DDX59: variants seen among roughly 807,000 people sequenced by gnomAD.
The protein encoded by DDX59 is DEAD-box helicase 59.
A neutral mutation model predicts 51.9 loss-of-function variants in DDX59; 30 were observed. The observed-to-expected ratio is 0.58, with a 90% CI of 0.43 to 0.78. DDX59 has a LOEUF of 0.78. Among genes scored for constraint, DDX59 ranks in the 30% least tolerant of loss-of-function variants. DDX59 has a pLI of 0.00. For missense variants in DDX59, 672 were observed against 730.8 expected, an observed-to-expected ratio of 0.92 and a Z score of 0.93; for synonymous variants, 255 against 253.3, an observed-to-expected ratio of 1.01 and a Z score of -0.06.
Position 200,644,084 on chromosome 1 carries a change from G to A in DDX59, c.*170C>T. On this transcript the variant is annotated 3_prime_UTR_variant, in exon 8 of 8. Coordinates refer to ENST00000331314, the MANE Select transcript of DDX59 (RefSeq NM_001031725.6). Reference sequence around the variant, plus strand: ...TTTATTTAATAATTCATTTTCTGATGTTTTTAATTTATAAGAATTAAGGGA... The same window carrying A: ...TTTATTTAATAATTCATTTTCTGATATTTTTAATTTATAAGAATTAAGGGA... 1 of 581,436 alleles carries A rather than the reference G, an allele frequency of 1.7e-6. No individual in the cohort carries two copies. Among genetic ancestry groups the A allele is most frequent in the South Asian group, 8.2e-5 (1 of 12,202 alleles). 36.0% of individuals were successfully genotyped at this position (581,436 alleles called of 1,614,324 possible). A position where few individuals can be genotyped will look rare whatever the true frequency, so the allele number is the denominator to read the frequency against.
intron 3 of DDX59, among the ~76,000 whole-genome samples, chr1:200,663,400 C>T (rs756079765): frequency 1.3e-5 from 2 of 152,194 alleles, no homozygotes; most frequent in Non-Finnish European, 2.9e-5. Context: ...AGTGAAGTAA[C>T]TTATCTATGG....
intron 4 of DDX59, among the ~76,000 whole-genome samples, chr1:200,657,990 T>C (rs1023812209): frequency 6.6e-6 from 1 of 152,208 alleles, no homozygotes; most frequent in Non-Finnish European, 1.5e-5. Flanking sequence ...CCAGCTTGCC[T>C]AAGCTCTCAT....
chr1:200,666,699 A>G lies in DDX59; in HGVS notation c.42T>C (p.Asn14=), dbSNP rs756256602. Residue 14 remains asparagine, a synonymous_variant, in exon 2 of 8, where the codon AAT becomes AAC. Transcript: ENST00000331314. ...TAGCCACACAACTTTTGCCATCATC[A>G]TTAGCATTCCTCTTGATTTTTAGAG... is the stretch of plus-strand genomic sequence containing the variant. ...PRSLKIKRNA[N]DDGKSCVAKI... 1.1e-5 allele frequency: 17 copies of G among 1,613,406 alleles called. No individual in the cohort carries two copies. The highest frequency in any genetic ancestry group is 1.3e-5 in the African/African-American group (1 of 74,940).
chr1:200,664,210 C>T (rs904029158), intron 2 of DDX59, 124 bp from the exon 3 acceptor site: 12 of 995,758 alleles, frequency 1.2e-5, no homozygotes, highest in Non-Finnish European at 1.7e-5. Flanking sequence ...GGTATGAGTC[C>T]TCCTGCCTTC....
chr1:200,651,125 C>T (rs1207766548), intron 4 of DDX59, among the ~76,000 whole-genome samples: 1 of 151,826 alleles, frequency 6.6e-6, no homozygotes, highest in African/African-American at 2.4e-5. Context: ...CAAGAAACTG[C>T]TAAATTGCTA....
At chr1:200,647,367 G>A (rs114613442) in intron 7 of DDX59, among the ~76,000 whole-genome samples, 86 of 151,172 alleles carry the variant, frequency 5.7e-4, no homozygotes, top group African/African-American at 1.6e-3. Context: ...AGGAGATGAA[G>A]ACAAGATTCC....
chr1:200,648,938 G>C (rs1247324869), intron 6 of DDX59, 136 bp downstream of exon 6: 2 of 905,462 alleles, frequency 2.2e-6, no homozygotes, highest in Non-Finnish European at 3.2e-6. Flanking sequence ...TTAACTTCAT[G>C]GTAACCGCTT....
chr1:200,660,099 C>T (rs927201692), intron 3 of DDX59, among the ~76,000 whole-genome samples: 3 of 152,172 alleles, frequency 2.0e-5, no homozygotes, highest in African/African-American at 4.8e-5. Flanking sequence ...TTGAAACCTA[C>T]AGGTTGTTCA....
At chr1:200,664,338 G>C (rs1004542264) in intron 2 of DDX59, among the ~76,000 whole-genome samples, 2 of 152,230 alleles carry the variant, frequency 1.3e-5, no homozygotes, top group East Asian at 3.9e-4. Context: ...CAGTAACCAA[G>C]GTGAGAAAAC....
At chr1:200,641,773 G>A (rs1293643112), downstream of DDX59, among the ~76,000 whole-genome samples, 2 of 152,084 alleles carry the variant, frequency 1.3e-5, no homozygotes, top group African/African-American at 4.8e-5. Context: ...GGGAGGTCGA[G>A]GTGGGTGGAT....
chr1:200,659,620 T>A (rs905671185), intron 3 of DDX59, among the ~76,000 whole-genome samples: 1 of 152,236 alleles, frequency 6.6e-6, no homozygotes, highest in Admixed American at 6.5e-5. Flanking sequence ...CATTTTTAAA[T>A]TAAGAGGTTG....
chr1:200,644,479 C>G lies in DDX59; in HGVS notation c.1635G>C (p.Ala545=). Residue 545 remains alanine (A), a synonymous_variant, in exon 8 of 8, where the codon GCG becomes GCC. Transcript: ENST00000331314. ...RVGRLGQNGT[A]ITFINNNSKR... ...TTGAATTATTATTGATGAAAGTAAT[C>G]GCTGTTCCATTTTGACCTAATCTTC... 1 of 1,597,876 alleles carries G rather than the reference C, an allele frequency of 6.3e-7. No homozygotes were observed. Among genetic ancestry groups the G allele is most frequent in the Admixed American group, 1.7e-5 (1 of 57,828 alleles).
chr1:200,659,611 A>T (rs1008925950), intron 3 of DDX59, among the ~76,000 whole-genome samples: 2 of 152,184 alleles, frequency 1.3e-5, no homozygotes, highest in Non-Finnish European at 2.9e-5. Context: ...TTTTTATTTC[A>T]TTTTTAAATT....
At chr1:200,648,602 AT>A (rs1661449997) in intron 6 of DDX59, 35 bp from the exon 7 acceptor site, 2 of 1,588,462 alleles carry the variant, frequency 1.3e-6, no homozygotes, top group Non-Finnish European at 1.7e-6. Context: ...ATTATTCAGA[AT>A]TTATTTTGTG....
chr1:200,666,319 T>C lies in DDX59; in HGVS notation c.422A>G (p.Glu141Gly). The C allele has an allele frequency of 1.9e-6, 3 of 1,614,194 alleles. No individual in the cohort carries two copies. The highest frequency in any genetic ancestry group is 2.5e-6 in the Non-Finnish European group (3 of 1,180,024). The change falls in exon 2 of 8, where the codon GAA becomes GGA. Residue 141 changes from glutamate (E) to glycine (G), a missense_variant. Glu to Gly is a moderately conservative substitution (Grantham distance 98, BLOSUM62 -2). Transcript: ENST00000331314. ...CKAKHLLQVK[E>G]KEEKSKLSNP... is the part of the protein sequence containing the mutation. ...GCTGAGTTTTGATTTCTCTTCCTTT[T>C]CCTTAACTTGTAGAAGATGTTTCGC...
intron 4 of DDX59, among the ~76,000 whole-genome samples, chr1:200,658,629 G>T (rs997568493): frequency 6.6e-6 from 1 of 152,206 alleles, no homozygotes; most frequent in African/African-American, 2.4e-5. Context: ...GTGGGAGGTT[G>T]AGGCTGCAGT....
intron 3 of DDX59, among the ~76,000 whole-genome samples, chr1:200,662,587 C>T (rs560241604): frequency 1.4e-4 from 22 of 152,204 alleles, no homozygotes; most frequent in Non-Finnish European, 2.6e-4. Context: ...ACCTGGGAGA[C>T]GGAGGTTGCA....
chr1:200,643,961 A>C, downstream of DDX59: 6 of 264,058 alleles, frequency 2.3e-5, no homozygotes, highest in Non-Finnish European at 3.5e-5. Context: ...GATCCGAGTC[A>C]GAGTCTTTGT....
chr1:200,641,399 A>C, downstream of DDX59: 7 of 17,554 alleles, frequency 4.0e-4, no homozygotes, highest in East Asian at 6.9e-3. Context: ...AAAAAAACTA[A>C]AAAAAAAAAA....
Sources: allele counts gnomAD v4.1 joint callset (sites outside exome capture counted in the v4.1 genomes callset), GRCh38; gene constraint gnomAD v4.1.1; transcripts MANE v1.5; gene names NCBI Gene and HGNC (gene_info 2026-07-23, HGNC 2026-07-21).